The following SHANK2 variants were observed in gnomAD, a reference collection of about 807,000 sequenced individuals.
SHANK2 encodes the protein SH3 and multiple ankyrin repeat domains protein 2.
A neutral mutation model predicts 133.7 loss-of-function variants in SHANK2; 43 were observed. That is an observed-to-expected ratio of 0.32 (90% CI 0.25 to 0.41). The LOEUF is 0.41. SHANK2 is among the 10% of genes least tolerant of loss of function. The pLI is 1.00. For synonymous variants in SHANK2, 1,017 were observed against 952.8 expected (o/e 1.07, Z -1.24); for missense variants, 1,994 against 2,235.8 (o/e 0.89, Z 2.18).
chr11:70,471,264 GAAAAA>G lies in SHANK2; in HGVS notation c.*1600_*1604del, dbSNP rs879990185. 8.7e-6 allele frequency: 3 copies of G among 343,010 alleles called. No homozygotes were observed. Among genetic ancestry groups the G allele is most frequent in the African/African-American group, 7.0e-5 (3 of 42,584 alleles). 21.2% of individuals were successfully genotyped at this position (343,010 alleles called of 1,614,324 possible). On this transcript the variant is annotated 3_prime_UTR_variant, in exon 26 of 26. Coordinates refer to ENST00000601538, the MANE Select transcript of SHANK2 (RefSeq NM_012309.5). This position sits in a 1 kb window ranked among gnomAD's most constrained non-coding sequence, Gnocchi z 4.1. Reference sequence around the variant, plus strand: ...TTCCAGACCTAATCAAGAAAAAAAGGAAAAAAAAAAAACAAAACCATGTTTTATAA... The same window carrying G: ...TTCCAGACCTAATCAAGAAAAAAAGGAAAAAAACAAAACCATGTTTTATAA...
At chr11:70,773,237 C>T (rs541452411) in intron 14 of SHANK2, among the ~76,000 whole-genome samples, 16 of 152,304 alleles carry the variant, frequency 1.1e-4, no homozygotes, top group Middle Eastern at 3.4e-3. Flanking sequence ...AGTAGCTGGG[C>T]GAGCGGCTCA....
chr11:70,516,870 C>T (rs2059272668), intron 17 of SHANK2, among the ~76,000 whole-genome samples: 1 of 152,018 alleles, frequency 6.6e-6, no homozygotes, highest in African/African-American at 2.4e-5. Context: ...GTCAGGAGTT[C>T]AAGACCAGCC....
At chr11:70,641,080 CT>C (rs1320841246) in intron 17 of SHANK2, among the ~76,000 whole-genome samples, 6 of 148,672 alleles carry the variant, frequency 4.0e-5, no homozygotes, top group East Asian at 2.0e-4. Context: ...CTTTACTATG[CT>C]TTTTTTTCTT....
intron 17 of SHANK2, among the ~76,000 whole-genome samples, chr11:70,638,046 T>C (rs2061129211): frequency 6.6e-6 from 1 of 152,220 alleles, no homozygotes; most frequent in South Asian, 2.1e-4. Flanking sequence ...AGCTGGAAAG[T>C]ACCCCCAGGA....
chr11:70,914,717 T>TAAAATAAAACAAAAC (rs1489678395), intron 10 of SHANK2, among the ~76,000 whole-genome samples: 12 of 145,560 alleles, frequency 8.2e-5, no homozygotes, highest in African/African-American at 3.1e-4. Context: ...TAAAATAAAA[T>TAAAATAAAACAAAAC]AAAACAAAAC....
At chr11:70,819,614 A>C (rs2135340465) in intron 12 of SHANK2, among the ~76,000 whole-genome samples, 1 of 152,210 alleles carries the variant, frequency 6.6e-6, no homozygotes, top group South Asian at 2.1e-4. Flanking sequence ...TTGGACGCCG[A>C]ATGGGGTGCT....
chr11:70,622,711 G>C (rs2060847140), intron 17 of SHANK2, among the ~76,000 whole-genome samples: 1 of 152,168 alleles, frequency 6.6e-6, no homozygotes, highest in Non-Finnish European at 1.5e-5. Context: ...CATCTGCGAA[G>C]ACCGTGTTTC....
intron 9 of SHANK2, among the ~76,000 whole-genome samples, chr11:71,062,714 G>A (rs958403559): frequency 6.0e-4 from 91 of 152,124 alleles, no homozygotes; most frequent in Non-Finnish European, 1.1e-3. Context: ...CCCTATTATA[G>A]GCTGGGCATG....
intron 2 of SHANK2, among the ~76,000 whole-genome samples, chr11:71,194,036 C>T (rs782666682): frequency 6.6e-6 from 1 of 152,134 alleles, no homozygotes; most frequent in African/African-American, 2.4e-5. Context: ...GTGCTGCTGG[C>T]GGGAAGGGCT....
chr11:70,575,064 A>G (rs2060098757), intron 17 of SHANK2, among the ~76,000 whole-genome samples: 2 of 152,126 alleles, frequency 1.3e-5, no homozygotes, highest in Admixed American at 1.3e-4. Context: ...CCTTCATTGC[A>G]GCTGATCCTC....
chr11:71,204,409 C>T (rs936777664), intron 2 of SHANK2, among the ~76,000 whole-genome samples: 3 of 152,082 alleles, frequency 2.0e-5, no homozygotes, highest in Non-Finnish European at 4.4e-5. Context: ...CTCCCATCTG[C>T]GCTGCCTCTG....
At chr11:70,585,616 CATCT>C (rs782626320) in intron 17 of SHANK2, among the ~76,000 whole-genome samples, 12 of 151,972 alleles carry the variant, frequency 7.9e-5, no homozygotes, top group Non-Finnish European at 1.6e-4. Context: ...CCCATCCATC[CATCT>C]CTCTTTTCAT....
chr11:71,066,014 G>A (rs1440571962), intron 9 of SHANK2, among the ~76,000 whole-genome samples: 2 of 29,558 alleles, frequency 6.8e-5, no homozygotes, highest in Admixed American at 3.9e-4. Flanking sequence ...CTCCCAGGGA[G>A]ATGAGTGGTG....
intron 10 of SHANK2, among the ~76,000 whole-genome samples, chr11:70,923,634 C>T (rs1259793961): frequency 6.6e-6 from 1 of 152,212 alleles, no homozygotes; most frequent in African/African-American, 2.4e-5. Context: ...CTGATAACTC[C>T]ACCTCCCAGG....
chr11:70,793,416 A>T (rs1947838376), intron 14 of SHANK2, among the ~76,000 whole-genome samples: 1 of 152,222 alleles, frequency 6.6e-6, no homozygotes, highest in Admixed American at 6.5e-5. Context: ...TGAAAACGCA[A>T]GTCACAGGCT....
chr11:70,791,879 T>C (rs1375897962), intron 14 of SHANK2, among the ~76,000 whole-genome samples: 1 of 152,226 alleles, frequency 6.6e-6, no homozygotes, highest in Non-Finnish European at 1.5e-5. Context: ...TGATGATTCC[T>C]GCCCTACTTA....
At chr11:70,592,501 C>T (rs1420100038) in intron 17 of SHANK2, among the ~76,000 whole-genome samples, 1 of 152,040 alleles carries the variant, frequency 6.6e-6, no homozygotes, top group Non-Finnish European at 1.5e-5. Context: ...CAGCACACCC[C>T]CTCCAGCCAC....
chr11:70,722,287 C>A (rs955657068), intron 14 of SHANK2, among the ~76,000 whole-genome samples: 4 of 152,234 alleles, frequency 2.6e-5, no homozygotes, highest in African/African-American at 9.6e-5. Context: ...GTGGCTGGCA[C>A]AGGTGGCCAC....
chr11:71,085,940 A>ATATGTTATATATATTATGTTATATATT (rs1951395817), intron 8 of SHANK2, among the ~76,000 whole-genome samples: 1 of 44,878 alleles, frequency 2.2e-5, no homozygotes, highest in African/African-American at 1.0e-4. Context: ...GTTATATATT[A>ATATGTTATATATATTATGTTATATATT]ATATGTTATA....
Sources: gnomAD v4.1 joint callset for allele counts (sites outside exome capture counted in the v4.1 genomes callset) on GRCh38, gnomAD v4.1.1 for gene constraint, Gnocchi (gnomAD v3.1) non-coding constraint, MANE v1.5 for transcripts, NCBI Gene and HGNC (gene_info 2026-07-23, HGNC 2026-07-21) for gene names.